MAPK8: variants seen among roughly 807,000 people sequenced by gnomAD.
The protein encoded by MAPK8 is mitogen-activated protein kinase 8, also known as JUN N-terminal kinase.
Under a neutral mutation model 52.9 loss-of-function variants are expected in MAPK8, and 13 were observed. That is an observed-to-expected ratio of 0.25 (90% CI 0.16 to 0.39). The LOEUF is 0.39. MAPK8 is among the 10% of genes least tolerant of loss of function. MAPK8 has a pLI of 1.00. For missense variants in MAPK8, 300 were observed against 519.2 expected (o/e 0.58, Z 4.10); for synonymous variants, 191 against 169.8 (o/e 1.12, Z -0.97).
rs188109037 is a variant in MAPK8 at position 48,348,342 on chromosome 10, A to G, written c.-50+41521A>G. ...TTTTCTCCCGTTCTGTAGGTTGTCT[A>G]TTCACTCTGATGATAGTTTCTTTTG... On this transcript the variant is annotated intron_variant, in intron 1 of 11. Coordinates refer to ENST00000374189, the MANE Select transcript of MAPK8 (RefSeq NM_001323329.2). Among the ~76,000 whole-genome samples the G allele has an allele frequency of 3.8e-3, 578 of 152,238 alleles. 3 individuals carry two copies. Among genetic ancestry groups the G allele is most frequent in the African/African-American group, 0.013 (558 of 41,556 alleles).
chr10:48,333,501 A>G (rs61595242), intron 1 of MAPK8, among the ~76,000 whole-genome samples: 3,461 of 152,326 alleles, frequency 0.023, 146 homozygotes, highest in African/African-American at 0.079. Context: ...TCCAAGGGCC[A>G]TGCCCTAGTC....
At position 48,420,283 on chromosome 10, in the gene MAPK8, A is replaced by G; in HGVS notation, c.579A>G (p.Ala193=). ...ATGTAGTGACTCGCTACTACAGAGCACCCGAGGTCATCCTTGGCATGGGCT... is the reference window on the plus strand; with the variant it reads ...ATGTAGTGACTCGCTACTACAGAGCGCCCGAGGTCATCCTTGGCATGGGCT... ...TPYVVTRYYR[A]PEVILGMGYK... The change falls in exon 6 of 12, where the codon GCA becomes GCG. Residue 193 remains alanine (A), a synonymous_variant. Coordinates refer to ENST00000374189, the MANE Select transcript of MAPK8 (RefSeq NM_001323329.2). 4 of 1,613,092 alleles carry G rather than the reference A, an allele frequency of 2.5e-6. No individual in the cohort carries two copies. Among genetic ancestry groups the G allele is most frequent in the Non-Finnish European group, 3.4e-6 (4 of 1,179,300 alleles).
At chr10:48,394,152 C>T (rs538208589) in intron 1 of MAPK8, among the ~76,000 whole-genome samples, 2 of 151,902 alleles carry the variant, frequency 1.3e-5, no homozygotes, top group African/African-American at 4.8e-5. Flanking sequence ...AACATTCCCT[C>T]AAAAAGAAAA....
In MAPK8 at chr10:48,437,437, A is replaced by G. The variant is rs1178886593; in HGVS notation, c.*2408A>G. Reference sequence around the variant, plus strand: ...CCACCTTTCTTATTCTATAATTTTGATTTTTCAATTTTATATACTTAATAT... The same window carrying G: ...CCACCTTTCTTATTCTATAATTTTGGTTTTTCAATTTTATATACTTAATAT... On this transcript the variant is annotated 3_prime_UTR_variant, in exon 12 of 12. Coordinates refer to ENST00000374189, the MANE Select transcript of MAPK8 (RefSeq NM_001323329.2). 6.6e-6 allele frequency: 1 copy of G among 151,962 alleles called. No individual in the cohort carries two copies. The highest frequency in any genetic ancestry group is 1.5e-5 in the Non-Finnish European group (1 of 67,986). The allele number at this position is 151,962 out of a possible 1,614,324, so 9.4% of individuals were successfully genotyped here.
In MAPK8 at chr10:48,435,022, G is replaced by A; in HGVS notation, c.1277G>A (p.Cys426Tyr). Reference protein sequence around the residue: ...LEAAAGPLGCCR With the variant: ...LEAAAGPLGCYR ...GCAGCAGCTGGGCCTCTGGGCTGCT[G>A]TAGATGACTACTTGGGCCATCGGGG... is the stretch of plus-strand genomic sequence containing the variant. The change falls in exon 12 of 12, where the codon TGT becomes TAT. Residue 426 changes from cysteine (C) to tyrosine (Y), a missense_variant. By Grantham distance (194) the Cys-to-Tyr change is radical (BLOSUM62 -2). Coordinates refer to ENST00000374189, the MANE Select transcript of MAPK8 (RefSeq NM_001323329.2). The A allele has an allele frequency of 1.1e-6, 1 of 945,486 alleles. No homozygotes were observed. The highest frequency in any genetic ancestry group is 2.5e-4 in the Middle Eastern group (1 of 3,960). The allele number at this position is 945,486 out of a possible 1,614,324, so 58.6% of individuals were successfully genotyped here. A position where few individuals can be genotyped will look rare whatever the true frequency, so the allele number is the denominator to read the frequency against.
intron 1 of MAPK8, among the ~76,000 whole-genome samples, chr10:48,350,035 T>A (rs1266072978): frequency 1.3e-5 from 2 of 152,210 alleles, no homozygotes; most frequent in Non-Finnish European, 2.9e-5. Flanking sequence ...GGGAAATTCC[T>A]GGACACATAT....
At chr10:48,370,078 A>C (rs746619456) in intron 1 of MAPK8, among the ~76,000 whole-genome samples, 3 of 152,190 alleles carry the variant, frequency 2.0e-5, no homozygotes, top group Non-Finnish European at 4.4e-5. Flanking sequence ...GCTAGGAGAA[A>C]GAGTGATAAT....
At position 48,307,913 on chromosome 10, in the gene MAPK8, A is replaced by G. The variant is rs374359374; in HGVS notation, c.-50+1092A>G. ...TGGAAGAGGATGCTTTGACTGAAGTATAATAGATGGACCTTTAAATGAGAC... is the reference window on the plus strand; with the variant it reads ...TGGAAGAGGATGCTTTGACTGAAGTGTAATAGATGGACCTTTAAATGAGAC... On this transcript the variant is annotated intron_variant, in intron 1 of 11. Transcript: ENST00000374189. Among the ~76,000 whole-genome samples the G allele has an allele frequency of 5.9e-5, 9 of 152,222 alleles. No individual in the cohort carries two copies. The East Asian group carries it at 1.3e-3, about 23-fold the overall frequency.
rs529785308 is a variant in MAPK8, at chr10:48,426,039, C to T, written c.840C>T (p.Phe280=). Residue 280 remains phenylalanine (F), a synonymous_variant, in exon 8 of 12, where the codon TTC becomes TTT. Coordinates refer to ENST00000374189, the MANE Select transcript of MAPK8 (RefSeq NM_001323329.2). ...SFEKLFPDVL[F]PADSEHNKLK... ...AGAAACTCTTCCCTGATGTCCTTTT[C>T]CCAGCTGACTCAGAACACAACAAAC... 1.2e-6 allele frequency: 2 copies of T among 1,611,924 alleles called. No homozygotes were observed. The highest frequency in any genetic ancestry group is 2.2e-5 in the South Asian group (2 of 90,766).
intron 11 of MAPK8, among the ~76,000 whole-genome samples, chr10:48,434,455 G>A (rs1427338665): frequency 1.3e-5 from 2 of 152,250 alleles, no homozygotes; most frequent in African/African-American, 2.4e-5. Context: ...AGACTTTTTT[G>A]TAGGGAAGTA....
intron 1 of MAPK8, among the ~76,000 whole-genome samples, chr10:48,374,515 A>G (rs565866880): frequency 6.6e-6 from 1 of 152,302 alleles, no homozygotes; most frequent in African/African-American, 2.4e-5. Context: ...AAGAAAAGAG[A>G]GAAGACTCAA....
chr10:48,418,236 C>T (rs1460798844), intron 5 of MAPK8, among the ~76,000 whole-genome samples: 3 of 152,152 alleles, frequency 2.0e-5, no homozygotes, highest in Admixed American at 6.5e-5. Flanking sequence ...TTCCAGCCTT[C>T]GATGTGAGTT....
At chr10:48,364,879 G>A (rs2132563210) in intron 1 of MAPK8, among the ~76,000 whole-genome samples, 1 of 152,214 alleles carries the variant, frequency 6.6e-6, no homozygotes, top group Admixed American at 6.5e-5. Flanking sequence ...AGAGCAATCA[G>A]TCATACTGGT....
At chr10:48,315,757 A>T (rs746602014) in intron 1 of MAPK8, among the ~76,000 whole-genome samples, 1 of 151,128 alleles carries the variant, frequency 6.6e-6, no homozygotes, top group Non-Finnish European at 1.5e-5. Flanking sequence ...ATAGTTTTGT[A>T]GTTGAATTTT....
chr10:48,370,851 G>C (rs1357837094), intron 1 of MAPK8, among the ~76,000 whole-genome samples: 1 of 152,060 alleles, frequency 6.6e-6, no homozygotes, highest in Non-Finnish European at 1.5e-5. Flanking sequence ...GAGAAGCCAG[G>C]GCTGGAAACA....
At position 48,413,195 on chromosome 10, in the gene MAPK8, G is replaced by T. The variant is rs1349708830; in HGVS notation, c.450+3027G>T. Among the ~76,000 whole-genome samples the T allele has an allele frequency of 2.0e-5, 3 of 152,174 alleles. No individual in the cohort carries two copies. In the East Asian group the frequency reaches 5.8e-4, roughly 29 times the overall value. ...TACTTGCTTATCCATTCATCAGTCA[G>T]TGGCAATTGGGTTGGTTCCACATTT... On this transcript the variant is annotated intron_variant, in intron 5 of 11. Coordinates refer to ENST00000374189, the MANE Select transcript of MAPK8 (RefSeq NM_001323329.2).
intron 1 of MAPK8, among the ~76,000 whole-genome samples, chr10:48,327,050 A>G (rs1186449424): frequency 1.3e-5 from 2 of 152,164 alleles, no homozygotes; most frequent in Non-Finnish European, 2.9e-5. Flanking sequence ...CTCCGTCTGC[A>G]TGCCTTTTCT....
chr10:48,330,399 T>C (rs767943322), intron 1 of MAPK8, among the ~76,000 whole-genome samples: 5 of 152,234 alleles, frequency 3.3e-5, no homozygotes, highest in Non-Finnish European at 5.9e-5. Flanking sequence ...TTTTCATGTC[T>C]GTTCTCAAGA....
intron 1 of MAPK8, among the ~76,000 whole-genome samples, chr10:48,349,041 A>G (rs1363698412): frequency 1.3e-5 from 2 of 152,176 alleles, no homozygotes; most frequent in African/African-American, 2.4e-5. Context: ...AGGGCATTAT[A>G]TAATGGTAAA....
Sources: gnomAD v4.1 joint callset for allele counts (sites outside exome capture counted in the v4.1 genomes callset) on GRCh38, gnomAD v4.1.1 for gene constraint, MANE v1.5 for transcripts, NCBI Gene and HGNC (gene_info 2026-07-23, HGNC 2026-07-21) for gene names.